RAB3B: variants seen among roughly 807,000 people sequenced by gnomAD.
The protein encoded by RAB3B is RAB3B, member RAS oncogene family.
RAB3B carries 11 observed loss-of-function variants against 20.5 expected under a neutral mutation model. That is an observed-to-expected ratio of 0.54 (90% CI 0.34 to 0.89). The LOEUF is 0.89. Ranked by LOEUF, RAB3B falls within the 40% of genes least tolerant of loss-of-function variation. RAB3B has a pLI of 0.02. For missense variants in RAB3B, 225 were observed against 280.9 expected (o/e 0.80, Z 1.42); for synonymous variants, 99 against 106.3 (o/e 0.93, Z 0.42).
At chr1:51,984,195 C>T (rs569812033) in intron 1 of RAB3B, among the ~76,000 whole-genome samples, 4 of 121,300 alleles carry the variant, frequency 3.3e-5, no homozygotes, top group East Asian at 3.0e-4. Context: ...ACCTGGCAGG[C>T]GGAGGTTACA....
intron 2 of RAB3B, among the ~76,000 whole-genome samples, chr1:51,956,734 T>C (rs1028317093): frequency 6.6e-5 from 10 of 152,216 alleles, no homozygotes; most frequent in Non-Finnish European, 1.3e-4. Context: ...TGACTCGCAT[T>C]TCCTCCCATA....
chr1:51,964,647 G>A (rs566950444), intron 2 of RAB3B, among the ~76,000 whole-genome samples: 41 of 152,222 alleles, frequency 2.7e-4, no homozygotes, highest in African/African-American at 8.9e-4. Context: ...ATCTCAGTTA[G>A]AGGAATCTCC....
chr1:51,961,557 C>T (rs1051285307), intron 2 of RAB3B, among the ~76,000 whole-genome samples: 3 of 152,112 alleles, frequency 2.0e-5, no homozygotes, highest in Admixed American at 2.0e-4. Context: ...CCCTTAACTT[C>T]TCTGAGTCTC....
chr1:51,945,418 G>A (rs1447349893), intron 2 of RAB3B, among the ~76,000 whole-genome samples: 2 of 152,212 alleles, frequency 1.3e-5, no homozygotes, highest in East Asian at 1.9e-4. Flanking sequence ...CAGTATAAAC[G>A]TGGCTTTTAT....
At chr1:51,932,955 C>T (rs78725146) in intron 4 of RAB3B, among the ~76,000 whole-genome samples, 149 of 152,190 alleles carry the variant, frequency 9.8e-4, no homozygotes, top group African/African-American at 3.4e-3. Context: ...TTTCCCTTTG[C>T]TCCAATTTTC....
chr1:51,928,230 T>C (rs1571958271), intron 4 of RAB3B, among the ~76,000 whole-genome samples: 1 of 151,970 alleles, frequency 6.6e-6, no homozygotes, highest in African/African-American at 2.4e-5. Context: ...CCTCAGCCTC[T>C]CGAGTAGCTG....
chr1:51,962,789 T>G lies in RAB3B; in HGVS notation c.228+14101A>C, dbSNP rs551826984. ...CTCCTTGCTGTAATCAAAGCCCGGC[T>G]CTCCCTGAGGACATGGCTTCTCCTA... On this transcript the variant is annotated intron_variant, in intron 2 of 4. Coordinates refer to ENST00000371655, the MANE Select transcript of RAB3B (RefSeq NM_002867.4). 3.1e-4 allele frequency among the ~76,000 whole-genome samples: 47 copies of G among 152,288 alleles called. No individual in the cohort carries two copies. The South Asian group carries it at 8.9e-3, about 29-fold the overall frequency.
Position 51,910,668 on chromosome 1 carries a change from A to T in RAB3B, c.*9259T>A, listed in dbSNP as rs1369270632. Reference sequence around the variant, plus strand: ...CCAAAATCCTGTTTCCCCCTTGCAGATCTTACAGAAAACAGCCACAGAATC... The same window carrying T: ...CCAAAATCCTGTTTCCCCCTTGCAGTTCTTACAGAAAACAGCCACAGAATC... On this transcript the variant is annotated 3_prime_UTR_variant, in exon 5 of 5. Coordinates refer to ENST00000371655, the MANE Select transcript of RAB3B (RefSeq NM_002867.4). 6.6e-6 allele frequency: 1 copy of T among 152,140 alleles called. No individual in the cohort carries two copies. Among genetic ancestry groups the T allele is most frequent in the Admixed American group, 6.6e-5 (1 of 15,256 alleles). 9.4% of individuals were successfully genotyped at this position (152,140 alleles called of 1,614,324 possible).
intron 1 of RAB3B, among the ~76,000 whole-genome samples, chr1:51,990,039 TC>T (rs1281801188): frequency 4.5e-4 from 33 of 74,054 alleles, no homozygotes; most frequent in Admixed American, 1.9e-4. Context: ...CTCAGTCCCC[TC>T]CAGCTCCAAA....
At position 51,913,444 on chromosome 1, in the gene RAB3B, C is replaced by T. The variant is rs1684034997; in HGVS notation, c.*6483G>A. ...TTGGTCACCATATTTTGTAGCTCCT[C>T]CCATAAAGAGATGGCATCTATTTCC... On this transcript the variant is annotated 3_prime_UTR_variant, in exon 5 of 5. Coordinates refer to ENST00000371655, the MANE Select transcript of RAB3B (RefSeq NM_002867.4). 6.6e-6 allele frequency: 1 copy of T among 151,860 alleles called. No individual in the cohort carries two copies. The highest frequency in any genetic ancestry group is 2.1e-4 in the South Asian group (1 of 4,814). The allele number at this position is 151,860 out of a possible 1,614,324, so 9.4% of individuals were successfully genotyped here.
chr1:51,986,846 C>T (rs183272535), intron 1 of RAB3B, among the ~76,000 whole-genome samples: 63 of 152,314 alleles, frequency 4.1e-4, no homozygotes, highest in African/African-American at 1.4e-3. Flanking sequence ...GCTACTCAGA[C>T]ATTTGGAAGA....
chr1:51,976,092 A>T (rs1310882072), intron 2 of RAB3B, among the ~76,000 whole-genome samples: 1 of 152,134 alleles, frequency 6.6e-6, no homozygotes, highest in Non-Finnish European at 1.5e-5. Flanking sequence ...AACCACTCCC[A>T]AATGTTTGAT....
chr1:51,983,002 C>T (rs999296551), intron 1 of RAB3B, among the ~76,000 whole-genome samples: 11 of 152,032 alleles, frequency 7.2e-5, no homozygotes, highest in Non-Finnish European at 1.3e-4. Flanking sequence ...AACTGCCGGC[C>T]CTGCAAGCTC....
intron 4 of RAB3B, among the ~76,000 whole-genome samples, chr1:51,933,036 G>A (rs1271181072): frequency 6.6e-6 from 1 of 151,666 alleles, no homozygotes; most frequent in African/African-American, 2.4e-5. Context: ...CTTTGTGGAA[G>A]GAACTGGTAA....
chr1:51,942,363 C>A (rs1322796408), intron 2 of RAB3B, among the ~76,000 whole-genome samples: 1 of 152,184 alleles, frequency 6.6e-6, no homozygotes, highest in Non-Finnish European at 1.5e-5. Context: ...CTGGTATATA[C>A]CCCATAAATG....
At chr1:51,964,881 T>A (rs1360176505) in intron 2 of RAB3B, among the ~76,000 whole-genome samples, 2 of 152,258 alleles carry the variant, frequency 1.3e-5, no homozygotes, top group Non-Finnish European at 2.9e-5. Flanking sequence ...TTGCTCTTCA[T>A]AATTTATTCT....
intron 2 of RAB3B, among the ~76,000 whole-genome samples, chr1:51,938,413 T>C (rs1684440478): frequency 6.6e-6 from 1 of 152,166 alleles, no homozygotes; most frequent in Non-Finnish European, 1.5e-5. Context: ...AAAAACACAT[T>C]TGTTAAAACT....
intron 4 of RAB3B, among the ~76,000 whole-genome samples, chr1:51,923,168 G>A (rs375825846): frequency 1.3e-5 from 2 of 152,354 alleles, no homozygotes; most frequent in East Asian, 3.9e-4. Context: ...AACCATGTGA[G>A]TGGGGTGGGG....
intron 2 of RAB3B, among the ~76,000 whole-genome samples, chr1:51,965,646 CAAA>C (rs68111431): frequency 8.7e-6 from 1 of 115,398 alleles, no homozygotes; most frequent in Non-Finnish European, 1.8e-5. Context: ...GGCTCCATCT[CAAA>C]AAAAAAAAAA....
Sources: allele counts gnomAD v4.1 joint callset (sites outside exome capture counted in the v4.1 genomes callset), GRCh38; gene constraint gnomAD v4.1.1; transcripts MANE v1.5; gene names NCBI Gene and HGNC (gene_info 2026-07-23, HGNC 2026-07-21).